The following PNCK variants were observed in gnomAD, a reference collection of about 807,000 sequenced individuals.
PNCK encodes pregnancy up-regulated nonubiquitous CaM kinase.
Under a neutral mutation model 28.3 loss-of-function variants are expected in PNCK, and 21 were observed. The ratio of observed to expected loss-of-function variants is 0.74; its 90% CI spans 0.53 to 1.07. The LOEUF is 1.07. Among genes scored for constraint, PNCK ranks in the 50% least tolerant of loss-of-function variants. The pLI, the probability that PNCK is intolerant of heterozygous loss-of-function variation, is 0.00. For missense variants in PNCK, 250 were observed against 298.3 expected, an observed-to-expected ratio of 0.84 and a Z score of 1.19; for synonymous variants, 136 against 125.2, an observed-to-expected ratio of 1.09 and a Z score of -0.58.
upstream of PNCK, chrX:153,673,821 G>A: frequency 1.3e-6 from 1 of 750,838 alleles, no homozygotes; most frequent in Non-Finnish European, 1.6e-6. Flanking sequence ...AGTGGCCGCA[G>A]CGCCAAGCCC....
At chrX:153,682,243 C>A (rs782048105) in intron 1 of PNCK, among the ~76,000 whole-genome samples, 1 of 110,622 alleles carries the variant, frequency 9.0e-6, no homozygotes, top group East Asian at 2.8e-4. Flanking sequence ...CCTGCCTCGG[C>A]CTCACAAAGT....
intron 1 of PNCK, among the ~76,000 whole-genome samples, chrX:153,680,794 C>T (rs1306961164): frequency 9.1e-6 from 1 of 109,750 alleles, no homozygotes; most frequent in Non-Finnish European, 1.9e-5. Context: ...CTTTGGGAGG[C>T]CGAGGAGGGT....
At chrX:153,674,344 T>C, upstream of PNCK, 1 of 658,838 alleles carries the variant, frequency 1.5e-6, no homozygotes, top group Non-Finnish European at 2.1e-6. Context: ...CCTGCAGCTC[T>C]CTATGTCAAT....
In PNCK at chrX:153,673,808, C is replaced by G; in HGVS notation, c.-31G>C. ...GAGCGGGTGCCGCAGCGTCGTGCCG[C>G]GCAGTGGCCGCAGCGCCAAGCCCCC... On this transcript the variant is annotated 5_prime_UTR_variant, in exon 1 of 12. Transcript: ENST00000340888. The G allele has an allele frequency of 1.3e-6, 1 of 750,042 alleles. No individual in the cohort carries two copies. The highest frequency in any genetic ancestry group is 8.7e-5 in the Admixed American group (1 of 11,434). 61.8% of individuals were successfully genotyped at this position (750,042 alleles called of 1,213,427 possible).
chrX:153,678,891 G>A (rs782084131), upstream of PNCK, among the ~76,000 whole-genome samples: 1 of 107,661 alleles, frequency 9.3e-6, no homozygotes, highest in East Asian at 2.9e-4. Flanking sequence ...GGTAAATGGA[G>A]TCATAGAGTA....
upstream of PNCK, among the ~76,000 whole-genome samples, chrX:153,678,665 C>T (rs1315924761): frequency 9.0e-6 from 1 of 110,514 alleles, no homozygotes; most frequent in Non-Finnish European, 1.9e-5. Flanking sequence ...ATTTTAAGTT[C>T]CCTCTGTCTG....
chrX:153,672,727 A>G (rs781983925), intron 2 of PNCK, 30 bp from the exon 3 acceptor site: 2 of 1,181,062 alleles, frequency 1.7e-6, no homozygotes, highest in East Asian at 6.0e-5. Flanking sequence ...GGGAGGTGGG[A>G]AGGAAGTGGG....
At chrX:153,681,337 G>C (rs1312691544) in intron 1 of PNCK, among the ~76,000 whole-genome samples, 1 of 111,674 alleles carries the variant, frequency 9.0e-6, no homozygotes, top group Non-Finnish European at 1.9e-5. Flanking sequence ...GGTATGGAAA[G>C]GGGGAACAGT....
intron 3 of PNCK, 114 bp downstream of exon 3, chrX:153,672,452 G>C (rs2091314978): frequency 1.1e-5 from 11 of 1,036,634 alleles, no homozygotes; most frequent in Non-Finnish European, 1.4e-5. Flanking sequence ...GGCCCAGAGA[G>C]AGCACTGCCC....
chrX:153,684,490 T>A (rs1304734512), intron 1 of PNCK, among the ~76,000 whole-genome samples: 2 of 103,431 alleles, frequency 1.9e-5, no homozygotes, highest in African/African-American at 7.1e-5. Flanking sequence ...CCAGCCCCAT[T>A]CTTTCTGTTC....
In PNCK at chrX:153,671,898, G is replaced by C; in HGVS notation, c.396C>G (p.Ile132Met). Residue 132 changes from isoleucine (I) to methionine (M), a missense_variant, in exon 5 of 12, where the codon ATC (isoleucine) becomes ATG (methionine). Physicochemically the swap from Ile to Met is conservative, Grantham distance 10. Transcript: ENST00000340888. ...GAVSYLHSLG[I>M]VHRDLKPENL... Reference sequence around the variant, plus strand: ...CAGGCACCTTGAGGTCCCGGTGCACGATCCCCAGGCTGTGCAGGTAGGAGA... The same window carrying C: ...CAGGCACCTTGAGGTCCCGGTGCACCATCCCCAGGCTGTGCAGGTAGGAGA... 3 of 1,209,040 alleles carry C rather than the reference G, an allele frequency of 2.5e-6. No homozygotes were observed. The highest frequency in any genetic ancestry group is 3.4e-6 in the Non-Finnish European group (3 of 894,806).
intron 1 of PNCK, among the ~76,000 whole-genome samples, chrX:153,681,803 T>C (rs2091396666): frequency 8.9e-6 from 1 of 111,870 alleles, no homozygotes; most frequent in Admixed American, 9.5e-5. Context: ...GTGGGCTGTA[T>C]GGGAATTCTT....
intron 6 of PNCK, 84 bp from the exon 7 acceptor site, chrX:153,671,444 C>T (rs1332742549): frequency 8.3e-7 from 1 of 1,210,010 alleles, no homozygotes; most frequent in Non-Finnish European, 1.1e-6. Flanking sequence ...CTACTCAAGC[C>T]CAGGAATGGC....
chrX:153,678,274 G>A (rs901379354), upstream of PNCK, among the ~76,000 whole-genome samples: 1 of 109,638 alleles, frequency 9.1e-6, no homozygotes, highest in Admixed American at 9.8e-5. Flanking sequence ...CCAACATGGT[G>A]AAACCCCAAA....
rs1192586225 is a variant in PNCK, at chrX:153,671,635, G to C, written c.452C>G (p.Ser151Trp). ...NLLYATPFED[S>W]KIMVSDFGLS... The stretch of plus-strand genomic sequence containing the variant: ...TCCAAAGTCAGAGACCATGATCTTC[G>C]AGTCCTCAAAGGGCGTGGCATACAG... The change falls in exon 6 of 12, where the codon TCG (serine) becomes TGG (tryptophan). Residue 151 changes from serine (S) to tryptophan (W), a missense_variant. Transcript: ENST00000340888. The C allele has an allele frequency of 8.3e-7, 1 of 1,201,936 alleles. No individual in the cohort carries two copies. Among genetic ancestry groups the C allele is most frequent in the Non-Finnish European group, 1.1e-6 (1 of 890,620 alleles).
At position 153,671,182 on chromosome X, in the gene PNCK, CCA is replaced by C; in HGVS notation, c.621_622del (p.Cys207TrpfsTer12). On this transcript the variant is annotated frameshift_variant, in exon 8 of 12. Coordinates refer to ENST00000340888, the MANE Select transcript of PNCK (RefSeq NM_001366977.1). LOFTEE classifies it high-confidence loss of function. ...GCTCTCGTCGTAGAAGGGGGGGTAC[CCA>C]CACAGCCTGGCACCCACAGATGAAT... 8.3e-7 allele frequency: 1 copy of C among 1,211,962 alleles called. No homozygotes were observed. The highest frequency in any genetic ancestry group is 1.1e-6 in the Non-Finnish European group (1 of 895,516).
upstream of PNCK, chrX:153,674,947 T>A (rs2091356892): frequency 8.9e-6 from 1 of 111,946 alleles, no homozygotes; most frequent in Non-Finnish European, 1.9e-5. Context: ...AACTGGGAAA[T>A]CTGAGAAGGC....
rs1438873566 is a variant in PNCK at position 153,670,003 on chromosome X, C to A, written c.*135G>T. On this transcript the variant is annotated 3_prime_UTR_variant, in exon 12 of 12. Transcript: ENST00000340888. ...GGGTGCCCCATTCCAACCCCAGCGC[C>A]ATGCGCCACACCCTCAAATCTCAAA... 2 of 291,948 alleles carry A rather than the reference C, an allele frequency of 6.9e-6. No homozygotes were observed. Among genetic ancestry groups the A allele is most frequent in the African/African-American group, 5.5e-5 (2 of 36,291 alleles). 24.1% of individuals were successfully genotyped at this position (291,948 alleles called of 1,213,427 possible).
At position 153,671,980 on chromosome X, in the gene PNCK, C is replaced by T; in HGVS notation, c.314G>A (p.Arg105His). The T allele has an allele frequency of 8.3e-7, 1 of 1,211,054 alleles. No homozygotes were observed. The highest frequency in any genetic ancestry group is 3.0e-5 in the East Asian group (1 of 33,823). Reference sequence around the variant, plus strand: ...GGCATCCTTCTCTGTGTAGGAGCCGCGCTCCATGATGCGGTCAAACAGCTC... The same window carrying T: ...GGCATCCTTCTCTGTGTAGGAGCCGTGCTCCATGATGCGGTCAAACAGCTC... ...GGELFDRIME[R>H]GSYTEKDASH... Residue 105 changes from arginine (R) to histidine (H), a missense_variant, in exon 5 of 12, where the codon CGC becomes CAC. By Grantham distance (29) the Arg-to-His change is conservative. Coordinates refer to ENST00000340888, the MANE Select transcript of PNCK (RefSeq NM_001366977.1).
Sources: allele counts gnomAD v4.1 joint callset (sites outside exome capture counted in the v4.1 genomes callset), GRCh38; gene constraint gnomAD v4.1.1; transcripts MANE v1.5; gene names NCBI Gene and HGNC (gene_info 2026-07-23, HGNC 2026-07-21).